The following GTF2H1 variants were observed in gnomAD, a reference collection of about 807,000 sequenced individuals.
The protein encoded by GTF2H1 is general transcription factor IIH subunit 1, also known as BTF2 p62.
Under a neutral mutation model 71.2 loss-of-function variants are expected in GTF2H1, and 16 were observed. The ratio of observed to expected loss-of-function variants is 0.22; its 90% CI spans 0.15 to 0.34. The LOEUF is 0.34. Ranked by LOEUF, GTF2H1 falls within the 10% of genes least tolerant of loss-of-function variation. The pLI is 1.00. For missense variants in GTF2H1, 498 were observed against 648.2 expected (o/e 0.77, Z 2.52); for synonymous variants, 215 against 219.0 (o/e 0.98, Z 0.16).
chr11:18,362,410 C>G (rs920031919), intron 14 of GTF2H1, among the ~76,000 whole-genome samples: 4 of 152,136 alleles, frequency 2.6e-5, no homozygotes, highest in Non-Finnish European at 5.9e-5. Context: ...ACACTGTACA[C>G]TTAGACTACA....
chr11:18,327,162 C>T (rs967854965), intron 1 of GTF2H1, among the ~76,000 whole-genome samples: 3 of 152,060 alleles, frequency 2.0e-5, no homozygotes, highest in Non-Finnish European at 4.4e-5. Context: ...TTTTCAAATT[C>T]TCACACTAGC....
chr11:18,362,650 T>C (rs925909695), intron 14 of GTF2H1, among the ~76,000 whole-genome samples: 1 of 147,076 alleles, frequency 6.8e-6, no homozygotes, highest in Admixed American at 7.0e-5. Context: ...CGTATAGATA[T>C]ATATATTTTT....
intron 2 of GTF2H1, chr11:18,333,441 CT>C: frequency 1.0e-5 from 4 of 385,622 alleles, no homozygotes; most frequent in South Asian, 5.5e-5. Context: ...GTAAATCTAC[CT>C]GACATATAGA....
chr11:18,342,689 G>T (rs912677088), intron 7 of GTF2H1, among the ~76,000 whole-genome samples: 1 of 152,054 alleles, frequency 6.6e-6, no homozygotes, highest in African/African-American at 2.4e-5. Context: ...GCTTAGTGGC[G>T]CTTAGACTTA....
At chr11:18,340,777 C>T (rs1865139490) in intron 5 of GTF2H1, among the ~76,000 whole-genome samples, 1 of 152,162 alleles carries the variant, frequency 6.6e-6, no homozygotes. Flanking sequence ...TGCTCAGGGT[C>T]ACACAGATAG....
At chr11:18,347,526 G>A (rs1014768712) in intron 7 of GTF2H1, 62 bp from the exon 8 acceptor site, 30 of 1,246,916 alleles carry the variant, frequency 2.4e-5, no homozygotes, top group African/African-American at 4.6e-5. Flanking sequence ...TCAGCTAAGC[G>A]TGTCTTATAA....
Position 18,347,537 on chromosome 11 carries a change from TAAGAA to T in GTF2H1, c.838-47_838-43del, listed in dbSNP as rs538711740. The T allele has an allele frequency of 3.7e-4, 519 of 1,393,940 alleles. 1 individual carries two copies. The African/African-American group carries it at 6.5e-3, about 17-fold the overall frequency. The allele number at this position is 1,393,940 out of a possible 1,614,324, so 86.3% of individuals were successfully genotyped here. On this transcript the variant is annotated intron_variant, in intron 7 of 14. Coordinates refer to ENST00000265963, the MANE Select transcript of GTF2H1 (RefSeq NM_005316.4). Reference sequence around the variant, plus strand: ...TTTTTCAGCTAAGCGTGTCTTATAATAAGAAAAGCAGAACCTTTTTAAAAAATTTT... The same window carrying T: ...TTTTTCAGCTAAGCGTGTCTTATAATAAGCAGAACCTTTTTAAAAAATTTT...
chr11:18,341,361 T>C lies in GTF2H1; in HGVS notation c.708T>C (p.Asn236=), dbSNP rs752788772. ...ATTATTTTCACAGGGATCGGCTGAATACAGGGTCAAAGGATCTCTTTGCAG... is the reference window on the plus strand; with the variant it reads ...ATTATTTTCACAGGGATCGGCTGAACACAGGGTCAAAGGATCTCTTTGCAG... ...QSHYFHRDRL[N]TGSKDLFAEC... is the part of the protein sequence containing the mutation. Residue 236 remains asparagine, a synonymous_variant, in exon 6 of 15, where the codon AAT becomes AAC. Transcript: ENST00000265963. The C allele has an allele frequency of 1.2e-6, 2 of 1,614,068 alleles. No homozygotes were observed. The highest frequency in any genetic ancestry group is 1.7e-6 in the Non-Finnish European group (2 of 1,179,956).
intron 14 of GTF2H1, among the ~76,000 whole-genome samples, chr11:18,362,664 T>C: frequency 1.4e-5 from 1 of 73,498 alleles, no homozygotes; most frequent in East Asian, 2.8e-3. Flanking sequence ...TATTTTTTCT[T>C]TTTCTTTTTT....
At chr11:18,328,999 C>T (rs1418731652) in intron 1 of GTF2H1, among the ~76,000 whole-genome samples, 1 of 151,920 alleles carries the variant, frequency 6.6e-6, no homozygotes, top group Non-Finnish European at 1.5e-5. Flanking sequence ...GAATTGTGAT[C>T]CTTTATCATA....
chr11:18,323,357 C>T (rs572872571), intron 1 of GTF2H1, among the ~76,000 whole-genome samples: 1 of 151,896 alleles, frequency 6.6e-6, no homozygotes, highest in Non-Finnish European at 1.5e-5. Context: ...AATGCAGTGG[C>T]GTGATAATAG....
At chr11:18,361,736 C>T (rs1865705209) in intron 14 of GTF2H1, among the ~76,000 whole-genome samples, 1 of 152,138 alleles carries the variant, frequency 6.6e-6, no homozygotes, top group Non-Finnish European at 1.5e-5. Flanking sequence ...TTTGGAAAAA[C>T]TGAGTAGCAA....
rs752990420 is a variant in GTF2H1 at position 18,357,982 on chromosome 11, A to T, written c.1291A>T (p.Ile431Phe). The change falls in exon 12 of 15, where the codon ATC (isoleucine) becomes TTC (phenylalanine). Residue 431 changes from isoleucine (I) to phenylalanine (F), a missense_variant. Ile to Phe is a conservative substitution (Grantham distance 21, BLOSUM62 0). Transcript: ENST00000265963. ...VLSSSAASST[I>F]TALSPGGALM... ...CTCAAGTAGTGCTGCCAGTAGTACCATCACAGCACTGTCACCTGGAGGGGC... is the reference window on the plus strand; with the variant it reads ...CTCAAGTAGTGCTGCCAGTAGTACCTTCACAGCACTGTCACCTGGAGGGGC... 1 of 1,611,944 alleles carries T rather than the reference A, an allele frequency of 6.2e-7. No individual in the cohort carries two copies. The highest frequency in any genetic ancestry group is 1.1e-5 in the South Asian group (1 of 91,038).
intron 11 of GTF2H1, among the ~76,000 whole-genome samples, chr11:18,357,722 T>C (rs2133987397): frequency 6.6e-6 from 1 of 152,316 alleles, no homozygotes; most frequent in Admixed American, 6.5e-5. Context: ...TTGAGGTCCC[T>C]GTGGACTTGC....
At position 18,333,208 on chromosome 11, in the gene GTF2H1, A is replaced by G. The variant is rs748173190; in HGVS notation, c.134A>G (p.His45Arg). Residue 45 changes from histidine to arginine, a missense_variant, in exon 2 of 15, where the codon CAT becomes CGT. Physicochemically the swap from His to Arg is conservative, Grantham distance 29 (BLOSUM62 0). Transcript: ENST00000265963. The part of the protein sequence containing the change: ...PEGKDRFTIS[H>R]MYADIKCQKI... Reference sequence around the variant, plus strand: ...GGCAAAGATAGATTTACAATCAGCCATATGTATGCAGATATTAAATGTAAG... The same window carrying G: ...GGCAAAGATAGATTTACAATCAGCCGTATGTATGCAGATATTAAATGTAAG... 4.3e-6 allele frequency: 7 copies of G among 1,612,574 alleles called. No individual in the cohort carries two copies. The highest frequency in any genetic ancestry group is 5.9e-6 in the Non-Finnish European group (7 of 1,179,128).
At chr11:18,360,797 A>C in intron 14 of GTF2H1, 90 bp downstream of exon 14, 1 of 696,322 alleles carries the variant, frequency 1.4e-6, no homozygotes, top group Non-Finnish European at 2.4e-6. Context: ...ATGAGTAGAT[A>C]CTTAATTTTC....
At chr11:18,343,946 T>G (rs997966478) in intron 7 of GTF2H1, among the ~76,000 whole-genome samples, 1 of 152,120 alleles carries the variant, frequency 6.6e-6, no homozygotes, top group Non-Finnish European at 1.5e-5. Context: ...CAATCTGCCT[T>G]AGGCTCCTGA....
At chr11:18,360,823 T>G (rs1865679027) in intron 14 of GTF2H1, 116 bp downstream of exon 14, 1 of 581,250 alleles carries the variant, frequency 1.7e-6, no homozygotes, top group Non-Finnish European at 3.0e-6. Flanking sequence ...TTTTTTTTTT[T>G]GAAACGGAGT....
intron 7 of GTF2H1, among the ~76,000 whole-genome samples, chr11:18,346,920 G>T (rs1375498251): frequency 1.3e-5 from 2 of 149,602 alleles, no homozygotes; most frequent in Non-Finnish European, 3.0e-5. Flanking sequence ...TTGTATTTTT[G>T]ATAGAGATGA....
Sources: allele counts gnomAD v4.1 joint callset (sites outside exome capture counted in the v4.1 genomes callset), GRCh38; gene constraint gnomAD v4.1.1; transcripts MANE v1.5; gene names NCBI Gene and HGNC (gene_info 2026-07-23, HGNC 2026-07-21).